NIPAL4: variants seen among roughly 807,000 people sequenced by gnomAD.
NIPAL4 encodes NIPA like domain containing 4.
A neutral mutation model predicts 31.6 loss-of-function variants in NIPAL4; 21 were observed. That is an observed-to-expected ratio of 0.67 (90% CI 0.47 to 0.96). The LOEUF (loss-of-function observed/expected upper bound fraction) is 0.96. NIPAL4 is among the 40% of genes least tolerant of loss of function. NIPAL4 has a pLI of 0.00. For synonymous variants in NIPAL4, 175 were observed against 211.1 expected (o/e 0.83, Z 1.48); for missense variants, 438 against 508.0 (o/e 0.86, Z 1.32).
intron 2 of NIPAL4, among the ~76,000 whole-genome samples, chr5:157,464,297 T>G (rs1324832866): frequency 6.6e-6 from 1 of 151,752 alleles, no homozygotes; most frequent in Non-Finnish European, 1.5e-5. Flanking sequence ...GCAGGAGGGG[T>G]GCATGGTGAG....
chr5:157,463,976 A>T (rs1754184748), intron 2 of NIPAL4, among the ~76,000 whole-genome samples: 1 of 152,170 alleles, frequency 6.6e-6, no homozygotes, highest in Non-Finnish European at 1.5e-5. Flanking sequence ...TGGAACCTTC[A>T]GTCAAGTGGA....
intron 1 of NIPAL4, among the ~76,000 whole-genome samples, chr5:157,462,857 T>C (rs529870409): frequency 6.6e-6 from 1 of 152,364 alleles, no homozygotes; most frequent in African/African-American, 2.4e-5. Context: ...GGTCTGCCCT[T>C]GTGCCCAGGT....
intron 2 of NIPAL4, among the ~76,000 whole-genome samples, chr5:157,463,751 C>G (rs1157960415): frequency 6.6e-6 from 1 of 152,200 alleles, no homozygotes; most frequent in Non-Finnish European, 1.5e-5. Flanking sequence ...TGTGCCCTCA[C>G]TTAGCATCCA....
rs369841240 is a variant in NIPAL4, at chr5:157,468,833, T to G, written c.425+21T>G. ...ATAAGGTTATTGTCCCCTCTCTAGC[T>G]CTCTCTTTTTCTATTCCGTTTTCAG... On this transcript the variant is annotated intron_variant, in intron 4 of 5. Coordinates refer to ENST00000311946, the MANE Select transcript of NIPAL4 (RefSeq NM_001099287.2). The G allele has an allele frequency of 1.1e-5, 16 of 1,472,332 alleles. No individual in the cohort carries two copies. In the African/African-American group the frequency reaches 2.0e-4, roughly 18 times the overall value. The allele number at this position is 1,472,332 out of a possible 1,614,324, so 91.2% of individuals were successfully genotyped here.
chr5:157,472,559 G>A lies in NIPAL4; in HGVS notation c.814G>A (p.Ala272Thr). ...PLPYILSLIL[A>T]LSLSTQVNFL... ...CCCCTACATCCTGTCCCTCATCCTG[G>A]CACTGTCCCTCAGCACTCAGGTCAA... The change falls in exon 6 of 6, where the codon GCA (alanine) becomes ACA (threonine). Residue 272 changes from alanine to threonine, a missense_variant. Coordinates refer to ENST00000311946, the MANE Select transcript of NIPAL4 (RefSeq NM_001099287.2). 3.1e-6 allele frequency: 5 copies of A among 1,613,794 alleles called. No homozygotes were observed. The highest frequency in any genetic ancestry group is 1.1e-5 in the South Asian group (1 of 91,054).
chr5:157,465,379 C>T (rs1008138483), intron 2 of NIPAL4, among the ~76,000 whole-genome samples: 2 of 152,158 alleles, frequency 1.3e-5, no homozygotes, highest in African/African-American at 4.8e-5. Flanking sequence ...GAGTTCTTAA[C>T]ATTTATGGGA....
intron 2 of NIPAL4, among the ~76,000 whole-genome samples, chr5:157,466,189 G>A (rs2113662914): frequency 6.6e-6 from 1 of 152,308 alleles, no homozygotes; most frequent in Non-Finnish European, 1.5e-5. Context: ...TGTAGAGTGA[G>A]TGTAAGTTTA....
Position 157,471,828 on chromosome 5 carries a change from A to G in NIPAL4, c.586+11A>G. The G allele has an allele frequency of 6.4e-7, 1 of 1,573,770 alleles. No homozygotes were observed. The highest frequency in any genetic ancestry group is 8.6e-7 in the Non-Finnish European group (1 of 1,158,320). On this transcript the variant is annotated intron_variant, in intron 5 of 5. Transcript: ENST00000311946. ...AGATGAAAGACACAGGTAGACTCCA[A>G]GCCCCTGAAGAGCAGGAAAATACTG...
rs1187562525 is a variant in NIPAL4 at position 157,471,757 on chromosome 5, G to C, written c.526G>C (p.Ala176Pro). 6.2e-7 allele frequency: 1 copy of C among 1,603,708 alleles called. No homozygotes were observed. The highest frequency in any genetic ancestry group is 2.2e-5 in the East Asian group (1 of 44,598). ...CGGAAGCACAGTGATGGTGATACAT[G>C]CTCCTGAGGAAGAGAAGGTCACTAC... is the stretch of plus-strand genomic sequence containing the variant. ...VAGSTVMVIH[A>P]PEEEKVTTIM... The change falls in exon 5 of 6, where the codon GCT becomes CCT. Residue 176 changes from alanine (A) to proline (P), a missense_variant. Transcript: ENST00000311946.
chr5:157,465,157 A>G (rs2113661716), intron 2 of NIPAL4, among the ~76,000 whole-genome samples: 1 of 152,366 alleles, frequency 6.6e-6, no homozygotes, highest in South Asian at 2.1e-4. Context: ...AGATGAAGTC[A>G]GGAACAATGG....
intron 4 of NIPAL4, among the ~76,000 whole-genome samples, chr5:157,469,083 T>A (rs185051443): frequency 8.1e-4 from 123 of 152,312 alleles, no homozygotes; most frequent in Middle Eastern, 3.4e-3. Context: ...GAACGGCGCA[T>A]GTCACTATTT....
intron 3 of NIPAL4, 66 bp downstream of exon 3, chr5:157,467,171 G>T: frequency 9.1e-7 from 1 of 1,098,226 alleles, no homozygotes; most frequent in Non-Finnish European, 1.4e-6. Context: ...CAAAGGGAGG[G>T]GTGGGTAGGG....
chr5:157,469,338 G>C (rs1754365100), intron 4 of NIPAL4, among the ~76,000 whole-genome samples: 2 of 152,156 alleles, frequency 1.3e-5, no homozygotes, highest in South Asian at 4.1e-4. Context: ...TACAGAGCTG[G>C]GACCAAACAA....
At position 157,460,245 on chromosome 5, in the gene NIPAL4, G is replaced by A. The variant is rs1221056421; in HGVS notation, c.-76G>A. The A allele has an allele frequency of 1.3e-6, 2 of 1,531,318 alleles. No homozygotes were observed. The highest frequency in any genetic ancestry group is 1.8e-6 in the Non-Finnish European group (2 of 1,139,570). The allele number at this position is 1,531,318 out of a possible 1,614,324, so 94.9% of individuals were successfully genotyped here. A position where few individuals can be genotyped will look rare whatever the true frequency, so the allele number is the denominator to read the frequency against. ...CGCGCGCGAGCCACGCGGGGGACAA[G>A]TCGCGGCCACCTGCTCCGGAGCTGG... On this transcript the variant is annotated 5_prime_UTR_variant, in exon 1 of 6. Coordinates refer to ENST00000311946, the MANE Select transcript of NIPAL4 (RefSeq NM_001099287.2).
Position 157,472,373 on chromosome 5 carries a change from A to G in NIPAL4, c.628A>G (p.Ile210Val), listed in dbSNP as rs774644520. The change falls in exon 6 of 6, where the codon ATC (isoleucine) becomes GTC (valine). Residue 210 changes from isoleucine (I) to valine (V), a missense_variant. Ile to Val is a conservative substitution (Grantham distance 29, BLOSUM62 3). Coordinates refer to ENST00000311946, the MANE Select transcript of NIPAL4 (RefSeq NM_001099287.2). ...FAVLLLVSCL[I>V]LIFVIAPRYG... Reference sequence around the variant, plus strand: ...TGTGCTTCTGCTGGTGTCATGCCTCATCCTCATCTTTGTCATTGCCCCACG... The same window carrying G: ...TGTGCTTCTGCTGGTGTCATGCCTCGTCCTCATCTTTGTCATTGCCCCACG... 1.2e-6 allele frequency: 2 copies of G among 1,610,904 alleles called. No individual in the cohort carries two copies. Among genetic ancestry groups the G allele is most frequent in the Admixed American group, 1.7e-5 (1 of 59,978 alleles).
In NIPAL4 at chr5:157,460,285, G is replaced by A. The variant is rs903824510; in HGVS notation, c.-36G>A. 52 of 1,545,524 alleles carry A rather than the reference G, an allele frequency of 3.4e-5. No individual in the cohort carries two copies. Among genetic ancestry groups the A allele is most frequent in the Non-Finnish European group, 4.2e-5 (48 of 1,145,032 alleles). The stretch of plus-strand genomic sequence containing the variant: ...TCCGGAGCTGGGGAGCCCGGGCGCC[G>A]TCCGCCCGCGCGTCGGTTCGTGTGC... On this transcript the variant is annotated 5_prime_UTR_variant, in exon 1 of 6. Transcript: ENST00000311946.
chr5:157,466,587 A>G (rs1255512069), intron 2 of NIPAL4, among the ~76,000 whole-genome samples: 2 of 152,238 alleles, frequency 1.3e-5, no homozygotes, highest in African/African-American at 4.8e-5. Flanking sequence ...GAGTGGACAC[A>G]TGCGAGATCT....
chr5:157,462,979 G>A (rs1754148032), intron 1 of NIPAL4, 115 bp from the exon 2 acceptor site: 2 of 1,336,122 alleles, frequency 1.5e-6, no homozygotes, highest in South Asian at 2.8e-5. Context: ...CACGGTATAT[G>A]GGTATAGCCC....
Position 157,460,256 on chromosome 5 carries a change from C to T in NIPAL4, c.-65C>T. Reference sequence around the variant, plus strand: ...CACGCGGGGGACAAGTCGCGGCCACCTGCTCCGGAGCTGGGGAGCCCGGGC... The same window carrying T: ...CACGCGGGGGACAAGTCGCGGCCACTTGCTCCGGAGCTGGGGAGCCCGGGC... On this transcript the variant is annotated 5_prime_UTR_variant, in exon 1 of 6. Coordinates refer to ENST00000311946, the MANE Select transcript of NIPAL4 (RefSeq NM_001099287.2). The T allele has an allele frequency of 6.5e-7, 1 of 1,538,482 alleles. No homozygotes were observed. Among genetic ancestry groups the T allele is most frequent in the Non-Finnish European group, 8.8e-7 (1 of 1,142,324 alleles).
Sources: gnomAD v4.1 joint callset for allele counts (sites outside exome capture counted in the v4.1 genomes callset) on GRCh38, gnomAD v4.1.1 for gene constraint, MANE v1.5 for transcripts, NCBI Gene and HGNC (gene_info 2026-07-23, HGNC 2026-07-21) for gene names.